KIAA2012: variants seen among roughly 807,000 people sequenced by gnomAD.
KIAA2012 encodes the protein uncharacterized protein KIAA2012.
Under a neutral mutation model 150.6 loss-of-function variants are expected in KIAA2012, and 125 were observed. That is an observed-to-expected ratio of 0.83 (90% CI 0.72 to 0.96). KIAA2012 has a LOEUF of 0.96. Ranked by LOEUF, KIAA2012 falls within the 40% of genes least tolerant of loss-of-function variation. The pLI, the probability that KIAA2012 is intolerant of heterozygous loss-of-function variation, is 0.00. For synonymous variants in KIAA2012, 462 were observed against 504.7 expected, an observed-to-expected ratio of 0.92 and a Z score of 1.13; for missense variants, 1,219 against 1,354.9, an observed-to-expected ratio of 0.90 and a Z score of 1.57.
intron 15 of KIAA2012, among the ~76,000 whole-genome samples, chr2:202,167,628 A>C (rs1691797366): frequency 6.6e-6 from 1 of 152,140 alleles, no homozygotes; most frequent in African/African-American, 2.4e-5. Context: ...GTTGGAGACC[A>C]ACCTGGGCAA....
chr2:202,123,068 T>C (rs1171143987), intron 11 of KIAA2012, among the ~76,000 whole-genome samples: 3 of 152,162 alleles, frequency 2.0e-5, no homozygotes, highest in East Asian at 3.9e-4. Flanking sequence ...GTTTTCTGGC[T>C]CCTGGGCTGT....
At chr2:202,140,126 G>T (rs1691168738) in intron 13 of KIAA2012, among the ~76,000 whole-genome samples, 3 of 152,106 alleles carry the variant, frequency 2.0e-5, no homozygotes. Flanking sequence ...TACTCGGGAG[G>T]CTGAGGCAGG....
At position 202,104,185 on chromosome 2, in the gene KIAA2012, A is replaced by G. The variant is rs1690123079; in HGVS notation, c.1324+1071A>G. On this transcript the variant is annotated intron_variant, in intron 8 of 23. Coordinates refer to ENST00000498697, the MANE Select transcript of KIAA2012 (RefSeq NM_001277372.4). This position sits in a 1 kb window ranked among gnomAD's most constrained non-coding sequence, Gnocchi z 4.3. ...TCACTCTGGGTTGCTTGTATGGATT[A>G]TAGATTTGTCAAAACTCATTGAACT... 6.6e-6 allele frequency among the ~76,000 whole-genome samples: 1 copy of G among 152,244 alleles called. No homozygotes were observed. The highest frequency in any genetic ancestry group is 2.1e-4 in the South Asian group (1 of 4,834).
chr2:202,185,232 A>G (rs1692204194), intron 16 of KIAA2012, among the ~76,000 whole-genome samples: 1 of 152,172 alleles, frequency 6.6e-6, no homozygotes, highest in African/African-American at 2.4e-5. Flanking sequence ...TAATCTTAAC[A>G]CCAATATTAA....
At position 202,100,432 on chromosome 2, in the gene KIAA2012, G is replaced by A. The variant is rs1664617052; in HGVS notation, c.1138G>A (p.Glu380Lys). 2.6e-6 allele frequency: 4 copies of A among 1,550,384 alleles called. No individual in the cohort carries two copies. The change falls in exon 7 of 24, where the codon GAA becomes AAA. Residue 380 changes from glutamate (E) to lysine (K), a missense_variant. By Grantham distance (56) the Glu-to-Lys change is moderately conservative. Transcript: ENST00000498697. ...ATGSRIITPG[E>K]VKKKKAPKAL... ...TGGCTCCAGAATAATCACCCCTGGGGAAGTGAAGAAGAAAAAGGTTGTGTG... is the reference window on the plus strand; with the variant it reads ...TGGCTCCAGAATAATCACCCCTGGGAAAGTGAAGAAGAAAAAGGTTGTGTG...
intron 10 of KIAA2012, among the ~76,000 whole-genome samples, chr2:202,111,598 T>C (rs1270946905): frequency 6.6e-6 from 1 of 150,462 alleles, no homozygotes; most frequent in African/African-American, 2.5e-5. Context: ...AGTATGTGTG[T>C]TGGGTGTGTG....
At chr2:202,136,374 TACAGAGAGCTGATTGGTCCGTTTTG>T (rs1691062038) in intron 12 of KIAA2012, 1 of 153,450 alleles carries the variant, frequency 6.5e-6, no homozygotes, top group African/African-American at 2.4e-5. Context: ...TGTTCGTCCT[TACAGAGAGCTGATTGGTCCGTTTTG>T]ACAGACTGCT....
chr2:202,192,749 C>T (rs900009225), intron 19 of KIAA2012, among the ~76,000 whole-genome samples: 1 of 152,072 alleles, frequency 6.6e-6, no homozygotes. Flanking sequence ...GAGCCATGCC[C>T]GGCCCCTTGT....
At chr2:202,179,211 T>C (rs991862301) in intron 15 of KIAA2012, 2 of 633,598 alleles carry the variant, frequency 3.2e-6, no homozygotes, top group Admixed American at 4.3e-5. Flanking sequence ...TTCAAATTGG[T>C]ACAAATTTTC....
intron 14 of KIAA2012, among the ~76,000 whole-genome samples, chr2:202,163,809 C>CT (rs1691706768): frequency 4.3e-5 from 3 of 70,382 alleles, no homozygotes; most frequent in Non-Finnish European, 8.6e-5. Flanking sequence ...TTTTTTTTTT[C>CT]CTGTACCAGG....
chr2:202,198,757 G>A (rs182579922), intron 22 of KIAA2012, among the ~76,000 whole-genome samples: 10 of 151,916 alleles, frequency 6.6e-5, no homozygotes, highest in Admixed American at 2.7e-4. Context: ...TGATTCCAAC[G>A]TTAACTGTAA....
intron 12 of KIAA2012, chr2:202,136,822 A>G (rs1490759446): frequency 6.6e-6 from 1 of 152,388 alleles, no homozygotes; most frequent in Admixed American, 6.5e-5. Flanking sequence ...AGCACGCCAG[A>G]GCGGACGCGG....
intron 5 of KIAA2012, 62 bp downstream of exon 5, chr2:202,097,639 G>C (rs1689927262): frequency 6.6e-7 from 1 of 1,514,904 alleles, no homozygotes; most frequent in Non-Finnish European, 8.8e-7. Context: ...ACCCAGGCTA[G>C]AGTGCAATGG....
intron 10 of KIAA2012, among the ~76,000 whole-genome samples, chr2:202,110,382 G>A (rs918856510): frequency 3.3e-5 from 5 of 152,180 alleles, no homozygotes; most frequent in East Asian, 1.9e-4. Flanking sequence ...CAGCTCCCCC[G>A]GGGCTTCCAT....
chr2:202,114,655 G>C (rs1236343673), intron 11 of KIAA2012: 2 of 166,564 alleles, frequency 1.2e-5, no homozygotes, highest in African/African-American at 4.8e-5. Context: ...TGATGCTTCA[G>C]TCATTTTAGT....
chr2:202,077,394 A>G (rs929473262), intron 2 of KIAA2012, among the ~76,000 whole-genome samples: 4 of 152,206 alleles, frequency 2.6e-5, no homozygotes, highest in Non-Finnish European at 4.4e-5. Flanking sequence ...TTAATAGTTT[A>G]TAAAGTAGAT....
intron 8 of KIAA2012, 80 bp downstream of exon 8, chr2:202,103,194 T>C: frequency 7.4e-7 from 1 of 1,356,782 alleles, no homozygotes; most frequent in Non-Finnish European, 1.0e-6. Flanking sequence ...TCCTACATCA[T>C]GGCTGACGTT....
At chr2:202,146,085 T>A (rs78903025) in intron 13 of KIAA2012, among the ~76,000 whole-genome samples, 1,901 of 152,326 alleles carry the variant, frequency 0.012, 42 homozygotes, top group African/African-American at 0.04. Flanking sequence ...ATGTAGTTGG[T>A]ACAGTTATTA....
chr2:202,115,903 A>G (rs1164187028), intron 11 of KIAA2012: 1 of 107,554 alleles, frequency 9.3e-6, no homozygotes, highest in East Asian at 2.2e-4. Flanking sequence ...ATGAATATAA[A>G]CCTTCAGAAG....
Sources: gnomAD v4.1 joint callset for allele counts (sites outside exome capture counted in the v4.1 genomes callset) on GRCh38, gnomAD v4.1.1 for gene constraint, Gnocchi (gnomAD v3.1) non-coding constraint, MANE v1.5 for transcripts, NCBI Gene and HGNC (gene_info 2026-07-23, HGNC 2026-07-21) for gene names.